URB1: variants seen among roughly 807,000 people sequenced by gnomAD.
The protein encoded by URB1 is nucleolar pre-ribosomal-associated protein 1.
Under a neutral mutation model 242.3 loss-of-function variants are expected in URB1, and 197 were observed. The observed-to-expected ratio is 0.81, with a 90% confidence interval of 0.72 to 0.91. The LOEUF (loss-of-function observed/expected upper bound fraction) is 0.91, where lower values mean the gene tolerates loss of function less well. Among genes scored for constraint, URB1 ranks in the 40% least tolerant of loss-of-function variants. URB1 has a pLI of 0.00. For synonymous variants in URB1, 1,153 were observed against 1,201.8 expected (o/e 0.96, Z 0.84); for missense variants, 2,721 against 2,860.5 (o/e 0.95, Z 1.11).
chr21:32,362,962 C>T (rs2033305483), intron 11 of URB1, among the ~76,000 whole-genome samples, 194 bp downstream of exon 11: 1 of 152,226 alleles, frequency 6.6e-6, no homozygotes, highest in Non-Finnish European at 1.5e-5. Flanking sequence ...TGCTCTGTGA[C>T]ATCACTGCCT....
Position 32,317,816 on chromosome 21 carries a change from C to T in URB1, c.5894G>A (p.Arg1965Lys). Residue 1965 changes from arginine to lysine, a missense_variant, in exon 37 of 39, where the codon AGA (arginine) becomes AAA (lysine). By Grantham distance (26) the Arg-to-Lys change is conservative. Transcript: ENST00000382751. ...AAGCACTGTCTCATTTACGGTGAAT[C>T]TGTTCATGTCCCTAAAGGCCTGTAT... ...TVIQAFRDMNRFTVNETVLST... is the reference protein window; with the variant it reads ...TVIQAFRDMNKFTVNETVLST... 6.4e-7 allele frequency: 1 copy of T among 1,552,002 alleles called. No individual in the cohort carries two copies. The highest frequency in any genetic ancestry group is 1.2e-5 in the South Asian group (1 of 84,068).
At chr21:32,380,414 T>C (rs1299753740) in intron 4 of URB1, among the ~76,000 whole-genome samples, 2 of 152,244 alleles carry the variant, frequency 1.3e-5, no homozygotes, top group Non-Finnish European at 2.9e-5. Context: ...TCTGAGGACC[T>C]ATCTGTGTGT....
At position 32,368,551 on chromosome 21, in the gene URB1, G is replaced by T; in HGVS notation, c.1049C>A (p.Ala350Glu). 6.4e-7 allele frequency: 1 copy of T among 1,551,690 alleles called. No homozygotes were observed. The highest frequency in any genetic ancestry group is 8.7e-7 in the Non-Finnish European group (1 of 1,147,006). ...GTCAGCCACCAGATCATCATCAGCT[G>T]CAGTTTTCAAACCCAGCAAGAAGTG... The part of the protein sequence containing the change: ...LLHFLLGLKT[A>E]ADDDLVADLV... Residue 350 changes from alanine (A) to glutamate (E), a missense_variant, in exon 9 of 39, where the codon GCA becomes GAA. By Grantham distance (107) the Ala-to-Glu change is moderately radical (BLOSUM62 -1). Transcript: ENST00000382751.
At chr21:32,364,204 A>G (rs2033320519) in intron 10 of URB1, among the ~76,000 whole-genome samples, 1 of 152,152 alleles carries the variant, frequency 6.6e-6, no homozygotes, top group African/African-American at 2.4e-5. Flanking sequence ...AGTAGGGTTC[A>G]AGAACCTGTG....
intron 23 of URB1, 84 bp downstream of exon 23, chr21:32,345,290 A>G (rs1377464778): frequency 7.2e-7 from 1 of 1,396,092 alleles, no homozygotes; most frequent in Non-Finnish European, 9.9e-7. Flanking sequence ...GTAATGCAGC[A>G]GTTTTTCAAT....
chr21:32,380,062 A>G (rs2033506642), intron 4 of URB1, among the ~76,000 whole-genome samples: 1 of 152,148 alleles, frequency 6.6e-6, no homozygotes, highest in Admixed American at 6.5e-5. Context: ...CAAACATACG[A>G]CTTATGTTCA....
At chr21:32,363,442 T>A (rs1033115410) in intron 10 of URB1, 113 bp from the exon 11 acceptor site, 11 of 1,293,658 alleles carry the variant, frequency 8.5e-6, no homozygotes, top group Admixed American at 2.3e-5. Context: ...GAAAGCTGCA[T>A]GAAACTGCTG....
intron 4 of URB1, among the ~76,000 whole-genome samples, chr21:32,380,972 G>T (rs1452476247): frequency 6.6e-6 from 1 of 152,202 alleles, no homozygotes; most frequent in South Asian, 2.1e-4. Context: ...AAGGGATTTA[G>T]TTATCACCTC....
intron 5 of URB1, 65 bp downstream of exon 5, chr21:32,378,380 A>G: frequency 4.2e-6 from 6 of 1,430,354 alleles, no homozygotes; most frequent in Non-Finnish European, 5.8e-6. Flanking sequence ...AACTTGGAAG[A>G]AACGGTTTGC....
At chr21:32,363,843 A>G (rs2033316408) in intron 10 of URB1, among the ~76,000 whole-genome samples, 1 of 150,912 alleles carries the variant, frequency 6.6e-6, no homozygotes, top group South Asian at 2.1e-4. Flanking sequence ...TTTTTAAGAG[A>G]TGAGACTTAG....
intron 31 of URB1, among the ~76,000 whole-genome samples, 191 bp from the exon 32 acceptor site, chr21:32,324,793 T>C (rs994753867): frequency 7.2e-5 from 11 of 152,104 alleles, no homozygotes; most frequent in African/African-American, 2.7e-4. Context: ...TTCGTTTTTA[T>C]TTTAGGAGTC....
At position 32,383,469 on chromosome 21, in the gene URB1, A is replaced by C; in HGVS notation, c.520T>G (p.Leu174Val). The change falls in exon 4 of 39, where the codon TTG becomes GTG. Residue 174 changes from leucine to valine, a missense_variant. By Grantham distance (32) the Leu-to-Val change is conservative. Coordinates refer to ENST00000382751, the MANE Select transcript of URB1 (RefSeq NM_014825.3). ...AARDVCSHFD[L>V]NKKTLYTLVT... ...AGGGTGTACAGGGTCTTTTTATTCA[A>C]ATCAAAATGGCTGCAGACGTCCCTG... The C allele has an allele frequency of 6.4e-7, 1 of 1,551,600 alleles. No individual in the cohort carries two copies. Among genetic ancestry groups the C allele is most frequent in the Non-Finnish European group, 8.7e-7 (1 of 1,146,924 alleles).
chr21:32,325,676 A>G (rs1230753139), intron 30 of URB1, among the ~76,000 whole-genome samples: 1 of 152,194 alleles, frequency 6.6e-6, no homozygotes, highest in Non-Finnish European at 1.5e-5. Context: ...AGGATATTGG[A>G]GGTGACACTG....
chr21:32,378,572 T>C (rs368904838), intron 4 of URB1, 31 bp from the exon 5 acceptor site: 26 of 1,525,422 alleles, frequency 1.7e-5, no homozygotes, highest in Non-Finnish European at 2.1e-5. Flanking sequence ...ACATGTCACA[T>C]GCATATTCCA....
At chr21:32,384,708 G>A (rs369708758) in intron 2 of URB1, among the ~76,000 whole-genome samples, 3 of 152,342 alleles carry the variant, frequency 2.0e-5, no homozygotes, top group East Asian at 3.9e-4. Flanking sequence ...AGGGCCAGGC[G>A]TGGTGGCTCA....
intron 18 of URB1, among the ~76,000 whole-genome samples, chr21:32,353,496 C>T (rs2033182344): frequency 6.6e-6 from 1 of 152,200 alleles, no homozygotes; most frequent in South Asian, 2.1e-4. Context: ...ACTGACAAGT[C>T]AGGGCTTATT....
Position 32,370,670 on chromosome 21 carries a change from G to A in URB1, c.1001+1837C>T, listed in dbSNP as rs117110608. 3.5e-3 allele frequency among the ~76,000 whole-genome samples: 537 copies of A among 152,330 alleles called. 1 individual carries two copies. Among genetic ancestry groups the A allele is most frequent in the Non-Finnish European group, 6.0e-3 (405 of 68,038 alleles). On this transcript the variant is annotated intron_variant, in intron 8 of 38. Coordinates refer to ENST00000382751, the MANE Select transcript of URB1 (RefSeq NM_014825.3). Reference sequence around the variant, plus strand: ...GCTAAGTTGGGATTGAAGCCCAGCTGTCTGCTCTGTTAACCTACACCAGCG... The same window carrying A: ...GCTAAGTTGGGATTGAAGCCCAGCTATCTGCTCTGTTAACCTACACCAGCG...
At chr21:32,365,466 A>T (rs1047025454) in intron 10 of URB1, among the ~76,000 whole-genome samples, 47 of 152,092 alleles carry the variant, frequency 3.1e-4, no homozygotes, top group African/African-American at 1.1e-3. Context: ...AGAAAAAAAA[A>T]TTTTAATAAA....
chr21:32,327,809 T>C (rs2032847161), intron 30 of URB1, among the ~76,000 whole-genome samples: 1 of 152,194 alleles, frequency 6.6e-6, no homozygotes, highest in Non-Finnish European at 1.5e-5. Context: ...GAAGATAAAC[T>C]ATAATAGATT....
Sources: allele counts gnomAD v4.1 joint callset (sites outside exome capture counted in the v4.1 genomes callset), GRCh38; gene constraint gnomAD v4.1.1; transcripts MANE v1.5; gene names NCBI Gene and HGNC (gene_info 2026-07-23, HGNC 2026-07-21).